Variants in FRMPD1 observed in about 807,000 individuals in gnomAD.
FRMPD1 encodes the protein FERM and PDZ domain-containing protein 1.
A neutral mutation model predicts 117.8 loss-of-function variants in FRMPD1; 76 were observed. The observed-to-expected ratio is 0.65, with a 90% CI of 0.54 to 0.78. The LOEUF (loss-of-function observed/expected upper bound fraction) is 0.78. Ranked by LOEUF, FRMPD1 falls within the 30% of genes least tolerant of loss-of-function variation. FRMPD1 has a pLI of 0.00. For missense variants in FRMPD1, 1,786 were observed against 1,964.5 expected (o/e 0.91, Z 1.72); for synonymous variants, 783 against 770.4 (o/e 1.02, Z -0.27).
the FRMPD1 span, among the ~76,000 whole-genome samples, chr9:37,610,664 G>A: frequency 6.7e-6 from 1 of 149,006 alleles, no homozygotes; most frequent in South Asian, 2.1e-4. Context: ...GCGCGATCTC[G>A]GCTCACTGCA....
intron 5 of FRMPD1, among the ~76,000 whole-genome samples, chr9:37,714,615 A>C: frequency 9.3e-6 from 1 of 107,416 alleles, no homozygotes; most frequent in Admixed American, 1.1e-4. Context: ...ATTTTATTTT[A>C]TTTTATTTTG....
chr9:37,653,823 G>A (rs1487119841), intron 1 of FRMPD1, among the ~76,000 whole-genome samples: 2 of 152,156 alleles, frequency 1.3e-5, no homozygotes, highest in Admixed American at 6.5e-5. Flanking sequence ...GGTGTAGTGG[G>A]TGTGCACCTG....
At chr9:37,717,382 T>TGTGTA (rs1491339188) in intron 5 of FRMPD1, among the ~76,000 whole-genome samples, 7 of 86,580 alleles carry the variant, frequency 8.1e-5, no homozygotes, top group African/African-American at 3.0e-4. Flanking sequence ...TATATATATA[T>TGTGTA]TTTTTTTTTT....
rs199927208 is a variant in FRMPD1, at chr9:37,711,404, C to T, written c.408+9C>T. On this transcript the variant is annotated intron_variant, in intron 5 of 15. Transcript: ENST00000377765. ...TTGTTCGCTGCACGTCGGTAAATCTCTTTCTATGTCCTGTGTGTTAGTTTC... is the reference window on the plus strand; with the variant it reads ...TTGTTCGCTGCACGTCGGTAAATCTTTTTCTATGTCCTGTGTGTTAGTTTC... 6.3e-7 allele frequency: 1 copy of T among 1,589,742 alleles called. No homozygotes were observed. The highest frequency in any genetic ancestry group is 1.3e-5 in the African/African-American group (1 of 74,580).
chr9:37,727,340 C>T (rs960045843), intron 7 of FRMPD1, among the ~76,000 whole-genome samples: 4 of 152,096 alleles, frequency 2.6e-5, no homozygotes, highest in African/African-American at 9.7e-5. Flanking sequence ...CACAGGGTCT[C>T]TGTCATAGTT....
intron 2 of FRMPD1, among the ~76,000 whole-genome samples, chr9:37,702,216 G>A (rs1051194728): frequency 1.3e-5 from 2 of 152,128 alleles, no homozygotes; most frequent in African/African-American, 2.4e-5. Flanking sequence ...AATTATATTA[G>A]AGGTACAACT....
At chr9:37,686,719 T>A (rs746960324) in intron 1 of FRMPD1, among the ~76,000 whole-genome samples, 2 of 152,214 alleles carry the variant, frequency 1.3e-5, no homozygotes, top group Non-Finnish European at 2.9e-5. Context: ...TAAATTATAT[T>A]TGGCAGCAGT....
rs754644002 is a variant in FRMPD1, at chr9:37,746,761, G to A, written c.4729G>A (p.Ala1577Thr). 2 of 1,613,462 alleles carry A rather than the reference G, an allele frequency of 1.2e-6. No homozygotes were observed. The highest frequency in any genetic ancestry group is 1.7e-6 in the Non-Finnish European group (2 of 1,179,716). The part of the protein sequence containing the change: ...CLTQKFRAST[A>T]L ...GACCCAGAAGTTCCGGGCATCCACG[G>A]CCCTGTAAACAGGTCAACGGCCCAA... is the stretch of plus-strand genomic sequence containing the variant. The change falls in exon 16 of 16, where the codon GCC (alanine) becomes ACC (threonine). Residue 1577 changes from alanine (A) to threonine (T), a missense_variant. Transcript: ENST00000377765.
intron 15 of FRMPD1, among the ~76,000 whole-genome samples, chr9:37,741,412 G>T (rs1467819382): frequency 6.7e-6 from 1 of 150,318 alleles, no homozygotes; most frequent in African/African-American, 2.5e-5. Flanking sequence ...CACCGAGAGT[G>T]TGGAGGGTCT....
intron 1 of FRMPD1, 102 bp from the exon 2 acceptor site, chr9:37,692,536 A>C (rs925550097): frequency 3.6e-5 from 28 of 787,564 alleles, no homozygotes; most frequent in Non-Finnish European, 4.9e-5. Flanking sequence ...TTCGATTAGC[A>C]TGTCTTATAA....
intron 2 of FRMPD1, among the ~76,000 whole-genome samples, chr9:37,705,250 C>A (rs916896652): frequency 6.6e-6 from 1 of 152,046 alleles, no homozygotes; most frequent in African/African-American, 2.4e-5. Flanking sequence ...TTCCTGTGCT[C>A]ATTATTCCTC....
the FRMPD1 span, among the ~76,000 whole-genome samples, chr9:37,615,657 A>G: frequency 2.6e-4 from 39 of 152,114 alleles, no homozygotes; most frequent in Non-Finnish European, 4.9e-4. Flanking sequence ...ACAACACTTT[A>G]CAGCCTCGAG....
intron 15 of FRMPD1, among the ~76,000 whole-genome samples, chr9:37,741,618 C>G (rs920040018): frequency 6.6e-6 from 1 of 152,190 alleles, no homozygotes; most frequent in African/African-American, 2.4e-5. Flanking sequence ...ATCCTCTATT[C>G]CCAGACCTCC....
At chr9:37,623,090 G>A in the FRMPD1 span, among the ~76,000 whole-genome samples, 1 of 152,204 alleles carries the variant, frequency 6.6e-6, no homozygotes, top group South Asian at 2.1e-4. Flanking sequence ...TTATCCTGCT[G>A]TTCAGTAGAT....
At chr9:37,679,046 C>G (rs547310654) in intron 1 of FRMPD1, among the ~76,000 whole-genome samples, 2 of 152,370 alleles carry the variant, frequency 1.3e-5, no homozygotes, top group African/African-American at 4.8e-5. Flanking sequence ...CTGAGCCCCT[C>G]CCCTCCATGC....
chr9:37,684,591 G>A (rs1333009036), intron 1 of FRMPD1, among the ~76,000 whole-genome samples: 2 of 152,140 alleles, frequency 1.3e-5, no homozygotes, highest in Non-Finnish European at 2.9e-5. Flanking sequence ...ACTGGCTGGG[G>A]GTTATTGTAG....
chr9:37,636,846 T>C, the FRMPD1 span: 3 of 1,611,456 alleles, frequency 1.9e-6, no homozygotes, highest in Admixed American at 3.3e-5. Context: ...TTGGCACTCG[T>C]CTCCAAGAAG....
chr9:37,612,870 G>A, the FRMPD1 span, among the ~76,000 whole-genome samples: 3 of 152,288 alleles, frequency 2.0e-5, no homozygotes, highest in East Asian at 3.9e-4. Flanking sequence ...CCTGGTCACT[G>A]TTCCCAATAT....
At position 37,729,816 on chromosome 9, in the gene FRMPD1, G is replaced by C; in HGVS notation, c.701G>C (p.Arg234Pro). Residue 234 changes from arginine to proline, a missense_variant, in exon 8 of 16, where the codon CGG (arginine) becomes CCG (proline). Arg to Pro is a moderately radical substitution (Grantham distance 103). Coordinates refer to ENST00000377765, the MANE Select transcript of FRMPD1 (RefSeq NM_014907.3). ...LALEEQYSIS[R>P]LHLLHEEELI... The stretch of plus-strand genomic sequence containing the variant: ...CTGGAAGAGCAGTACAGCATCTCCC[G>C]GCTGCACCTGCTGCACGAAGAGGAA... 6.2e-7 allele frequency: 1 copy of C among 1,613,994 alleles called. No homozygotes were observed. The highest frequency in any genetic ancestry group is 2.2e-5 in the East Asian group (1 of 44,876).
Sources: allele counts gnomAD v4.1 joint callset (sites outside exome capture counted in the v4.1 genomes callset), GRCh38; gene constraint gnomAD v4.1.1; transcripts MANE v1.5; gene names NCBI Gene and HGNC (gene_info 2026-07-23, HGNC 2026-07-21).